The following AKR1C3 variants were observed in gnomAD, a reference collection of about 807,000 sequenced individuals.
AKR1C3 encodes the protein 3-alpha hydroxysteroid dehydrogenase, type II.
AKR1C3 carries 48 observed loss-of-function variants against 43.6 expected under a neutral mutation model. The observed-to-expected ratio is 1.10, with a 90% confidence interval of 0.87 to 1.40. The LOEUF is 1.40. AKR1C3 is among the 40% of genes most tolerant of loss of function. The probability of loss-of-function intolerance (pLI) is 0.00; values close to 1 mark genes in which losing one functional copy is unlikely to be tolerated. For missense variants in AKR1C3, 482 were observed against 391.2 expected, an observed-to-expected ratio of 1.23 and a Z score of -1.96; for synonymous variants, 162 against 139.6, an observed-to-expected ratio of 1.16 and a Z score of -1.13.
intron 1 of AKR1C3, among the ~76,000 whole-genome samples, chr10:5,059,419 G>A (rs1297707483): frequency 6.6e-6 from 1 of 152,188 alleles, no homozygotes; most frequent in Non-Finnish European, 1.5e-5. Context: ...GCCTTTGAGA[G>A]TTCCACTCAT....
upstream of AKR1C3, among the ~76,000 whole-genome samples, chr10:5,092,863 T>C (rs1032995598): frequency 1.3e-5 from 2 of 152,140 alleles, no homozygotes; most frequent in African/African-American, 2.4e-5. Flanking sequence ...TGTTTCTTTA[T>C]ATACCTTATT....
At position 5,103,502 on chromosome 10, in the gene AKR1C3, G is replaced by A. The variant is rs782670602; in HGVS notation, c.846+852G>A. On this transcript the variant is annotated intron_variant, in intron 7 of 8. Transcript: ENST00000380554. ...TAGTTAGAAAATTAGCATGGCCTCA[G>A]CCTGAACTTAGTCAAGTTCTGTTCT... Among the ~76,000 whole-genome samples the A allele has an allele frequency of 5.3e-5, 8 of 152,206 alleles. 1 individual carries two copies. The Middle Eastern group carries it at 0.024, about 453-fold the overall frequency.
intron 1 of AKR1C3, among the ~76,000 whole-genome samples, chr10:5,053,841 G>C (rs1052425013): frequency 2.0e-5 from 3 of 152,214 alleles, no homozygotes; most frequent in African/African-American, 7.2e-5. Flanking sequence ...CTTGGTAGAA[G>C]TTGTTAATTG....
chr10:5,058,075 C>T (rs1838301332), intron 1 of AKR1C3, among the ~76,000 whole-genome samples: 1 of 152,028 alleles, frequency 6.6e-6, no homozygotes, highest in Non-Finnish European at 1.5e-5. Flanking sequence ...TAACCAATAG[C>T]CCGGGGGGTT....
chr10:5,054,733 C>A (rs1554779362), intron 1 of AKR1C3, among the ~76,000 whole-genome samples: 3 of 151,946 alleles, frequency 2.0e-5, no homozygotes, highest in Admixed American at 2.0e-4. Flanking sequence ...GACTCTGTTT[C>A]CTCTCTCTCC....
intron 1 of AKR1C3, among the ~76,000 whole-genome samples, chr10:5,074,758 A>G (rs1554781654): frequency 6.6e-6 from 1 of 152,200 alleles, no homozygotes; most frequent in Non-Finnish European, 1.5e-5. Flanking sequence ...TTTGTCCACA[A>G]GGAAATTCCT....
chr10:5,069,162 A>G (rs1838567797), intron 1 of AKR1C3, among the ~76,000 whole-genome samples: 1 of 152,228 alleles, frequency 6.6e-6, no homozygotes, highest in African/African-American at 2.4e-5. Flanking sequence ...TCATTTAACC[A>G]GTTTGCACAG....
chr10:5,057,488 T>C (rs187948580), intron 1 of AKR1C3, among the ~76,000 whole-genome samples: 14 of 139,388 alleles, frequency 1.0e-4, no homozygotes, highest in Non-Finnish European at 2.0e-4. Context: ...ATTAAACTTA[T>C]CTTTTAGAAT....
rs781917647 is a variant in AKR1C3, at chr10:5,105,671, G to GTGAT, written c.924_927dup (p.Ser310Ter). The GTGAT allele has an allele frequency of 1.2e-6, 2 of 1,611,974 alleles. No individual in the cohort carries two copies. The highest frequency in any genetic ancestry group is 2.2e-5 in the East Asian group (1 of 44,846). On this transcript the variant is annotated frameshift_variant, in exon 8 of 9. Coordinates refer to ENST00000380554, the MANE Select transcript of AKR1C3 (RefSeq NM_003739.6). LOFTEE classifies it low-confidence loss of function (END_TRUNC). The stretch of plus-strand genomic sequence containing the variant: ...GACAGAAATCTCCACTATTTTAACA[G>GTGAT]TGATAGGTAAGTTTCCTTTGTAAAT...
chr10:5,084,937 G>T (rs1838928424), intron 1 of AKR1C3, among the ~76,000 whole-genome samples: 1 of 152,150 alleles, frequency 6.6e-6, no homozygotes, highest in Admixed American at 6.5e-5. Flanking sequence ...TGTATCCTGA[G>T]ACTTTGCTGA....
At chr10:5,073,145 G>C (rs887183055) in intron 1 of AKR1C3, among the ~76,000 whole-genome samples, 1 of 152,062 alleles carries the variant, frequency 6.6e-6, no homozygotes, top group South Asian at 2.1e-4. Context: ...TGTATTCTTA[G>C]TAGAGATGTG....
At chr10:5,081,956 A>G (rs560645037) in intron 1 of AKR1C3, 17 of 152,362 alleles carry the variant, frequency 1.1e-4, no homozygotes, top group African/African-American at 4.1e-4. Flanking sequence ...AGAGAGAAGT[A>G]GAAGCTACAT....
In AKR1C3 at chr10:5,096,543, G is replaced by C. The variant is rs1470910285; in HGVS notation, c.218G>C (p.Ser73Thr). ...ATCCGAAGCAAGATTGCAGATGGCA[G>C]TGTGAAGAGAGAAGACATATTCTAC... ...LAIRSKIADG[S>T]VKREDIFYTS... Residue 73 changes from serine (S) to threonine (T), a missense_variant, in exon 2 of 9, where the codon AGT becomes ACT. By Grantham distance (58) the Ser-to-Thr change is moderately conservative (BLOSUM62 1). Transcript: ENST00000380554. 1.9e-6 allele frequency: 3 copies of C among 1,613,688 alleles called. No individual in the cohort carries two copies. The highest frequency in any genetic ancestry group is 2.7e-5 in the African/African-American group (2 of 74,904).
chr10:5,087,765 G>T (rs1839003894), intron 1 of AKR1C3, among the ~76,000 whole-genome samples: 1 of 151,424 alleles, frequency 6.6e-6, no homozygotes, highest in Admixed American at 6.6e-5. Context: ...TCCTTTCAAA[G>T]AACCAAATTT....
At chr10:5,050,690 C>T (rs570402017) in intron 1 of AKR1C3, among the ~76,000 whole-genome samples, 6 of 152,232 alleles carry the variant, frequency 3.9e-5, no homozygotes, top group African/African-American at 9.6e-5. Flanking sequence ...ATTCTTACCA[C>T]CAATGAAATA....
chr10:5,097,750 A>G lies in AKR1C3; in HGVS notation c.369+200A>G, dbSNP rs1033134049. 2.2e-6 allele frequency: 3 copies of G among 1,355,556 alleles called. No homozygotes were observed. In the African/African-American group the frequency reaches 4.5e-5, roughly 20 times the overall value. The allele number at this position is 1,355,556 out of a possible 1,614,324, so 84.0% of individuals were successfully genotyped here. A position where few individuals can be genotyped will look rare whatever the true frequency, so the allele number is the denominator to read the frequency against. On this transcript the variant is annotated intron_variant, in intron 3 of 8. Coordinates refer to ENST00000380554, the MANE Select transcript of AKR1C3 (RefSeq NM_003739.6). ...CTCTAATGCACACCTACAAGAGAAG[A>G]GAGTACAGCAACCTCAAAGCCTCTT...
intron 7 of AKR1C3, 137 bp downstream of exon 7, chr10:5,102,787 G>C: frequency 6.8e-7 from 1 of 1,479,280 alleles, no homozygotes; most frequent in Non-Finnish European, 9.0e-7. Flanking sequence ...CGTGCATCCT[G>C]AGGGTTTCTT....
intron 1 of AKR1C3, among the ~76,000 whole-genome samples, chr10:5,060,200 C>T (rs1333995206): frequency 3.3e-5 from 5 of 152,174 alleles, no homozygotes; most frequent in Non-Finnish European, 7.3e-5. Context: ...AGATTTATTG[C>T]AAAGAGCAAA....
chr10:5,094,378 C>T, upstream of AKR1C3: 1 of 1,566,206 alleles, frequency 6.4e-7, no homozygotes, highest in Non-Finnish European at 8.7e-7. Flanking sequence ...GGTTTCCTGC[C>T]CATTGTTTTT....
Sources: gnomAD v4.1 joint callset for allele counts (sites outside exome capture counted in the v4.1 genomes callset) on GRCh38, gnomAD v4.1.1 for gene constraint, MANE v1.5 for transcripts, NCBI Gene and HGNC (gene_info 2026-07-23, HGNC 2026-07-21) for gene names.